SLC24A2: variants seen among roughly 807,000 people sequenced by gnomAD.
SLC24A2 encodes solute carrier family 24 member 2.
In SLC24A2, 36 loss-of-function variants were observed where a neutral mutation model predicts 62.0. The ratio of observed to expected loss-of-function variants is 0.58; its 90% confidence interval spans 0.44 to 0.77. The LOEUF is 0.77. Ranked by LOEUF, SLC24A2 falls within the 30% of genes least tolerant of loss-of-function variation. The pLI, the probability that SLC24A2 is intolerant of heterozygous loss-of-function variation, is 0.00. For missense variants in SLC24A2, 846 were observed against 817.9 expected (o/e 1.03, Z -0.42); for synonymous variants, 358 against 294.0 (o/e 1.22, Z -2.23).
chr9:19,916,406 T>A, the SLC24A2 span, among the ~76,000 whole-genome samples: 2 of 151,958 alleles, frequency 1.3e-5, no homozygotes, highest in Admixed American at 6.6e-5. Flanking sequence ...CTTCTAAAAA[T>A]TTTTTTAAAG....
the SLC24A2 span, among the ~76,000 whole-genome samples, chr9:19,825,140 C>T: frequency 6.6e-6 from 1 of 152,164 alleles, no homozygotes; most frequent in Admixed American, 6.5e-5. Context: ...ACCTATGTAA[C>T]ATACCTGCAT....
the SLC24A2 span, among the ~76,000 whole-genome samples, chr9:20,247,296 A>T: frequency 6.6e-6 from 1 of 152,188 alleles, no homozygotes; most frequent in Admixed American, 6.5e-5. Context: ...CGTAAGCATC[A>T]GCAGGCCCTC....
At chr9:19,579,813 G>T (rs1836149265) in intron 5 of SLC24A2, among the ~76,000 whole-genome samples, 1 of 152,168 alleles carries the variant, frequency 6.6e-6, no homozygotes, top group Non-Finnish European at 1.5e-5. Flanking sequence ...TTAGGTGTGT[G>T]CCAGAGAGAA....
chr9:20,171,556 G>T, the SLC24A2 span, among the ~76,000 whole-genome samples: 1 of 151,852 alleles, frequency 6.6e-6, no homozygotes, highest in Admixed American at 6.6e-5. Flanking sequence ...AAAAGCAAAT[G>T]GGAGTAGCTA....
At chr9:19,752,246 T>C (rs543537258) in intron 2 of SLC24A2, among the ~76,000 whole-genome samples, 3 of 152,108 alleles carry the variant, frequency 2.0e-5, no homozygotes, top group African/African-American at 4.8e-5. Context: ...TCTTGGTAGA[T>C]AGAAATATAC....
rs542962840 is a variant in SLC24A2 at position 19,573,370 on chromosome 9, A to G, written c.1328T>C (p.Ile443Thr). 6.4e-5 allele frequency: 103 copies of G among 1,611,806 alleles called. No individual in the cohort carries two copies. The highest frequency in any genetic ancestry group is 1.1e-4 in the South Asian group (10 of 91,012). Residue 443 changes from isoleucine to threonine, a missense_variant, in exon 7 of 11, where the codon ATT (isoleucine) becomes ACT (threonine). Coordinates refer to ENST00000341998, the MANE Select transcript of SLC24A2 (RefSeq NM_020344.4). ...CCATACCTGGGCTTCTGCACCTTCA[A>G]TGTTGTGGGAGAGATTTCCATTTTG... ...PVQNGNLSHN[I>T]EGAEAQTADE...
At chr9:20,099,339 G>C in the SLC24A2 span, among the ~76,000 whole-genome samples, 36 of 152,262 alleles carry the variant, frequency 2.4e-4, no homozygotes, top group African/African-American at 8.7e-4. Context: ...CATTCATCTG[G>C]AAAAGGGCAC....
chr9:20,076,060 AG>A, the SLC24A2 span, among the ~76,000 whole-genome samples: 1 of 152,208 alleles, frequency 6.6e-6, no homozygotes, highest in Admixed American at 6.5e-5. Flanking sequence ...ACAAGAAAAA[AG>A]TCTGAATGCT....
In SLC24A2 at chr9:19,599,617, A is replaced by G. The variant is rs1836791987; in HGVS notation, c.1079-2338T>C. ...ATGGTGAACTCAGCAGCAGCATCCT[A>G]AGGAGGATTGGGCAGCATCTCCAGG... On this transcript the variant is annotated intron_variant, in intron 4 of 10. Transcript: ENST00000341998. The surrounding 1 kb of genome is among the most constrained non-coding windows in gnomAD (Gnocchi z 4.5). Among the ~76,000 whole-genome samples, 1 of 152,222 alleles carries G rather than the reference A, an allele frequency of 6.6e-6. No individual in the cohort carries two copies. Among genetic ancestry groups the G allele is most frequent in the Non-Finnish European group, 1.5e-5 (1 of 68,028 alleles).
chr9:20,101,112 A>T, the SLC24A2 span, among the ~76,000 whole-genome samples: 1 of 152,224 alleles, frequency 6.6e-6, no homozygotes, highest in Non-Finnish European at 1.5e-5. Flanking sequence ...ACAATCAGAA[A>T]TGTGGTTTTA....
the SLC24A2 span, among the ~76,000 whole-genome samples, chr9:20,280,722 T>A: frequency 6.6e-6 from 1 of 152,190 alleles, no homozygotes; most frequent in African/African-American, 2.4e-5. Flanking sequence ...TAACAGGGTT[T>A]TAGAAGACAT....
chr9:19,872,086 G>T, the SLC24A2 span, among the ~76,000 whole-genome samples: 1 of 152,126 alleles, frequency 6.6e-6, no homozygotes, highest in African/African-American at 2.4e-5. Flanking sequence ...GGTGCACTAG[G>T]AGTCAGGTCC....
chr9:19,831,414 T>A, the SLC24A2 span, among the ~76,000 whole-genome samples: 4 of 152,176 alleles, frequency 2.6e-5, no homozygotes, highest in African/African-American at 7.2e-5. Flanking sequence ...TAACTATCCT[T>A]TCCACATGAA....
At chr9:19,990,770 G>A in the SLC24A2 span, among the ~76,000 whole-genome samples, 3 of 149,720 alleles carry the variant, frequency 2.0e-5, no homozygotes, top group African/African-American at 7.4e-5. Flanking sequence ...TCCTGCCCAG[G>A]ACATAAGTCA....
At chr9:20,098,203 A>C in the SLC24A2 span, among the ~76,000 whole-genome samples, 2 of 152,146 alleles carry the variant, frequency 1.3e-5, no homozygotes, top group South Asian at 4.1e-4. Context: ...GACTAATAAC[A>C]CTCAAGGTCA....
chr9:19,820,046 T>TACAC, the SLC24A2 span, among the ~76,000 whole-genome samples: 1 of 21,406 alleles, frequency 4.7e-5, no homozygotes, highest in African/African-American at 7.5e-5. Flanking sequence ...TATATACATA[T>TACAC]ATATATATAC....
chr9:20,124,614 A>G, the SLC24A2 span, among the ~76,000 whole-genome samples: 1 of 152,014 alleles, frequency 6.6e-6, no homozygotes, highest in Non-Finnish European at 1.5e-5. Context: ...GCTAACTTTC[A>G]TTTATTCCCT....
At chr9:20,016,165 T>A in the SLC24A2 span, among the ~76,000 whole-genome samples, 1 of 152,186 alleles carries the variant, frequency 6.6e-6, no homozygotes, top group South Asian at 2.1e-4. Context: ...ATATAATACT[T>A]CCCCTTCCAA....
chr9:19,801,974 T>G, the SLC24A2 span, among the ~76,000 whole-genome samples: 1 of 152,292 alleles, frequency 6.6e-6, no homozygotes, highest in South Asian at 2.1e-4. Flanking sequence ...CTAGAGCTGA[T>G]AGTGGACAGG....
Sources: allele counts gnomAD v4.1 joint callset (sites outside exome capture counted in the v4.1 genomes callset), GRCh38; gene constraint gnomAD v4.1.1; non-coding constraint Gnocchi (gnomAD v3.1); transcripts MANE v1.5; gene names NCBI Gene and HGNC (gene_info 2026-07-23, HGNC 2026-07-21).